RNF141: variants seen among roughly 807,000 people sequenced by gnomAD.
RNF141 encodes C3HC4-like zinc finger protein.
Under a neutral mutation model 27.4 loss-of-function variants are expected in RNF141, and 18 were observed. That is an observed-to-expected ratio of 0.66 (90% CI 0.45 to 0.97). RNF141 has a LOEUF of 0.97. Ranked by LOEUF, RNF141 falls within the 50% of genes least tolerant of loss-of-function variation. The pLI is 0.00. For synonymous variants in RNF141, 97 were observed against 96.6 expected (o/e 1.00, Z -0.02); for missense variants, 230 against 279.4 (o/e 0.82, Z 1.26).
At position 10,513,901 on chromosome 11, in the gene RNF141, C is replaced by T. The variant is rs1005897647; in HGVS notation, c.*1015G>A. On this transcript the variant is annotated 3_prime_UTR_variant, in exon 6 of 6. Coordinates refer to ENST00000265981, the MANE Select transcript of RNF141 (RefSeq NM_016422.4). ...ATGTTGGCCAGGCTGGTCTCAAACT[C>T]CTAACCTCAAATGATCCACCCACCT... The T allele has an allele frequency of 6.6e-6, 1 of 152,162 alleles. No homozygotes were observed. The highest frequency in any genetic ancestry group is 1.5e-5 in the Non-Finnish European group (1 of 68,062). 9.4% of individuals were successfully genotyped at this position (152,162 alleles called of 1,614,324 possible).
At chr11:10,537,307 A>T (rs932747686) in intron 1 of RNF141, among the ~76,000 whole-genome samples, 2 of 152,140 alleles carry the variant, frequency 1.3e-5, no homozygotes, top group Non-Finnish European at 2.9e-5. Context: ...GTGACCTTTA[A>T]CCTAACATTT....
chr11:10,540,254 G>T (rs1027245138), intron 1 of RNF141, among the ~76,000 whole-genome samples: 6 of 152,112 alleles, frequency 3.9e-5, no homozygotes, highest in African/African-American at 1.2e-4. Flanking sequence ...ATAAACAATT[G>T]AAAGTGTTCC....
At chr11:10,529,934 A>ATC (rs1238774445) in intron 3 of RNF141, among the ~76,000 whole-genome samples, 10 of 152,114 alleles carry the variant, frequency 6.6e-5, no homozygotes, top group Non-Finnish European at 1.3e-4. Flanking sequence ...CAAAGGAAAA[A>ATC]TCTCCTAACC....
At chr11:10,526,347 T>C (rs1375989684) in intron 3 of RNF141, among the ~76,000 whole-genome samples, 2 of 152,198 alleles carry the variant, frequency 1.3e-5, no homozygotes, top group African/African-American at 4.8e-5. Flanking sequence ...TTGATGGAAC[T>C]AGGGGTATCA....
chr11:10,516,359 C>T (rs534595443), intron 5 of RNF141: 1 of 152,246 alleles, frequency 6.6e-6, no homozygotes, highest in Admixed American at 6.5e-5. Flanking sequence ...GACAGTGATC[C>T]CTGGGACATG....
intron 2 of RNF141, 32 bp from the exon 3 acceptor site, chr11:10,530,783 G>GA: frequency 7.4e-7 from 1 of 1,342,372 alleles, no homozygotes; most frequent in Middle Eastern, 1.8e-4. Context: ...TTAATTTTAT[G>GA]AAAAATCATA....
intron 1 of RNF141, among the ~76,000 whole-genome samples, chr11:10,535,948 T>A (rs1182302346): frequency 6.6e-6 from 1 of 152,140 alleles, no homozygotes; most frequent in Admixed American, 6.5e-5. Context: ...AAAATTAAAT[T>A]CAACAAGTAG....
chr11:10,537,458 AAT>A (rs994592939), intron 1 of RNF141, among the ~76,000 whole-genome samples: 1 of 152,214 alleles, frequency 6.6e-6, no homozygotes, highest in Non-Finnish European at 1.5e-5. Context: ...GAACTTTTGA[AAT>A]ATATAGTCTC....
At position 10,514,925 on chromosome 11, in the gene RNF141, G is replaced by A. The variant is rs142862260; in HGVS notation, c.684C>T (p.His228=). ...LNMADEAGQP[H]RP Reference sequence around the variant, plus strand: ...GACTTTCACTTCAAGGTCATGGCCTGTGGGGCTGGCCTGCCTCATCAGCCA... The same window carrying A: ...GACTTTCACTTCAAGGTCATGGCCTATGGGGCTGGCCTGCCTCATCAGCCA... Residue 228 remains histidine, a synonymous_variant, in exon 6 of 6, where the codon CAC becomes CAT. Transcript: ENST00000265981. 6.2e-7 allele frequency: 1 copy of A among 1,612,364 alleles called. No homozygotes were observed. The highest frequency in any genetic ancestry group is 8.5e-7 in the Non-Finnish European group (1 of 1,179,262).
In RNF141 at chr11:10,515,061, T is replaced by A. The variant is rs1211277507; in HGVS notation, c.548A>T (p.Asp183Val). 2 of 1,612,724 alleles carry A rather than the reference T, an allele frequency of 1.2e-6. No homozygotes were observed. Among genetic ancestry groups the A allele is most frequent in the Admixed American group, 3.4e-5 (2 of 59,616 alleles). ...ACAAATAGGGCAATTCCTGTGTCGA[T>A]CACTCCTATTAGAGAAGTCAAAACA... ...FCQKCIDKWS[D>V]RHRNCPICRL... The change falls in exon 6 of 6, where the codon GAT becomes GTT. Residue 183 changes from aspartate to valine, a missense_variant. Coordinates refer to ENST00000265981, the MANE Select transcript of RNF141 (RefSeq NM_016422.4).
In RNF141 at chr11:10,517,960, T is replaced by C. The variant is rs577418220; in HGVS notation, c.542+1074A>G. Among the ~76,000 whole-genome samples, 109 of 152,242 alleles carry C rather than the reference T, an allele frequency of 7.2e-4. 1 individual carries two copies. The highest frequency in any genetic ancestry group is 1.1e-3 in the Admixed American group (17 of 15,284). ...TTTAAAATAGCATAAAACTATGAAA[T>C]ACTTGGGGATAGATGTCAAAGATAT... On this transcript the variant is annotated intron_variant, in intron 5 of 5. Transcript: ENST00000265981.
At chr11:10,539,236 C>A (rs969547318) in intron 1 of RNF141, among the ~76,000 whole-genome samples, 3 of 151,990 alleles carry the variant, frequency 2.0e-5, no homozygotes, top group Admixed American at 1.3e-4. Context: ...AAAGCAAAAA[C>A]GAAAAAACTG....
At chr11:10,517,911 C>A (rs1231286070) in intron 5 of RNF141, among the ~76,000 whole-genome samples, 1 of 151,988 alleles carries the variant, frequency 6.6e-6, no homozygotes, top group Non-Finnish European at 1.5e-5. Context: ...TAGTATCAAT[C>A]ATAAATTGAA....
intron 4 of RNF141, among the ~76,000 whole-genome samples, chr11:10,524,090 A>G (rs1054146278): frequency 1.3e-5 from 2 of 152,228 alleles, no homozygotes; most frequent in Non-Finnish European, 2.9e-5. Context: ...AATGAACCAG[A>G]AAATGCAACT....
At chr11:10,522,672 G>A (rs1425038103) in intron 4 of RNF141, among the ~76,000 whole-genome samples, 1 of 152,186 alleles carries the variant, frequency 6.6e-6, no homozygotes, top group Non-Finnish European at 1.5e-5. Flanking sequence ...CTGGAAAAGA[G>A]AACAGATTTG....
At position 10,514,657 on chromosome 11, in the gene RNF141, G is replaced by C. The variant is rs1849828624; in HGVS notation, c.*259C>G. ...GTTACCTTTAGCAAAGAATTCAAGAGCTATTAGTTGTAATAATACAAATTT... is the reference window on the plus strand; with the variant it reads ...GTTACCTTTAGCAAAGAATTCAAGACCTATTAGTTGTAATAATACAAATTT... On this transcript the variant is annotated 3_prime_UTR_variant, in exon 6 of 6. Coordinates refer to ENST00000265981, the MANE Select transcript of RNF141 (RefSeq NM_016422.4). The C allele has an allele frequency of 6.3e-6, 2 of 318,616 alleles. No individual in the cohort carries two copies. Among genetic ancestry groups the C allele is most frequent in the Non-Finnish European group, 1.1e-5 (2 of 176,776 alleles). 19.7% of individuals were successfully genotyped at this position (318,616 alleles called of 1,614,324 possible).
chr11:10,534,135 CT>C lies in RNF141; in HGVS notation c.23del (p.Gln8ArgfsTer13). On this transcript the variant is annotated frameshift_variant, in exon 2 of 6. Coordinates refer to ENST00000265981, the MANE Select transcript of RNF141 (RefSeq NM_016422.4). LOFTEE classifies it high-confidence loss of function. The part of the protein sequence containing the change: MGQQISD[Q>X]TQLVINKLPE... ...GTAACTTGTTAATAACCAACTGTGTCTGATCCGAAATTTGCTGTCCCATGAT... is the reference window on the plus strand; with the variant it reads ...GTAACTTGTTAATAACCAACTGTGTCGATCCGAAATTTGCTGTCCCATGAT... 6.2e-7 allele frequency: 1 copy of C among 1,613,376 alleles called. No individual in the cohort carries two copies. Among genetic ancestry groups the C allele is most frequent in the Non-Finnish European group, 8.5e-7 (1 of 1,179,582 alleles).
At chr11:10,520,241 T>C (rs956093778) in intron 4 of RNF141, among the ~76,000 whole-genome samples, 1 of 140,498 alleles carries the variant, frequency 7.1e-6, no homozygotes, top group South Asian at 2.2e-4. Flanking sequence ...AACTTTTTAC[T>C]TTTAACTTTT....
chr11:10,517,208 T>C (rs1336749457), intron 5 of RNF141: 1 of 152,034 alleles, frequency 6.6e-6, no homozygotes, highest in African/African-American at 2.4e-5. Flanking sequence ...ATCAAACTTC[T>C]AGAAATGAAA....
Sources: allele counts gnomAD v4.1 joint callset (sites outside exome capture counted in the v4.1 genomes callset), GRCh38; gene constraint gnomAD v4.1.1; transcripts MANE v1.5; gene names NCBI Gene and HGNC (gene_info 2026-07-23, HGNC 2026-07-21).